The following KIR2DL1 variants were observed in gnomAD, a reference collection of about 807,000 sequenced individuals.
KIR2DL1 encodes killer cell immunoglobulin-like receptor 2DL1.
A neutral mutation model predicts 33.9 loss-of-function variants in KIR2DL1; 38 were observed. That is an observed-to-expected ratio of 1.12 (90% confidence interval 0.86 to 1.47). The LOEUF (loss-of-function observed/expected upper bound fraction) is 1.47. Among genes scored for constraint, KIR2DL1 ranks in the 40% most tolerant of loss-of-function variants. The pLI is 0.00. For synonymous variants in KIR2DL1, 179 were observed against 165.9 expected (o/e 1.08, Z -0.61); for missense variants, 531 against 433.9 (o/e 1.22, Z -1.99).
At chr19:54,777,954 C>T (rs1252733036) in intron 4 of KIR2DL1, among the ~76,000 whole-genome samples, 4 of 148,376 alleles carry the variant, frequency 2.7e-5, no homozygotes, top group African/African-American at 4.9e-5. Context: ...GAGTTCTTGG[C>T]ATCTTTGTCA....
At chr19:54,776,372 T>A (rs681436) in intron 4 of KIR2DL1, among the ~76,000 whole-genome samples, 3 of 141,254 alleles carry the variant, frequency 2.1e-5, no homozygotes, top group Admixed American at 1.5e-4. Context: ...GGGAATCTTT[T>A]TAATGACCTC....
At chr19:54,777,062 C>T (rs1600789580) in intron 4 of KIR2DL1, among the ~76,000 whole-genome samples, 1 of 151,942 alleles carries the variant, frequency 6.6e-6, no homozygotes, top group Non-Finnish European at 1.5e-5. Context: ...ATTTCTTTTG[C>T]CTGTCTTGCA....
chr19:54,775,056 G>T (rs2076160307), intron 3 of KIR2DL1, 109 bp from the exon 4 acceptor site: 1 of 1,350,454 alleles, frequency 7.4e-7, no homozygotes, highest in Admixed American at 2.3e-5. Context: ...GTGAGAGAGA[G>T]AGAGAGAGAG....
In KIR2DL1 at chr19:54,783,666, G is replaced by A. The variant is rs754098999; in HGVS notation, c.900G>A (p.Val300=). 6.2e-7 allele frequency: 1 copy of A among 1,613,856 alleles called. No individual in the cohort carries two copies. The highest frequency in any genetic ancestry group is 8.5e-7 in the Non-Finnish European group (1 of 1,179,970). Residue 300 remains valine, a synonymous_variant, in exon 8 of 8, where the codon GTG becomes GTA. Coordinates refer to ENST00000336077, the MANE Select transcript of KIR2DL1 (RefSeq NM_014218.3). ...EDSDEQDPQE[V]TYTQLNHCVF... ...CTGATGAACAAGACCCTCAGGAGGT[G>A]ACATACACACAGTTGAATCACTGCG...
chr19:54,771,040 C>T (rs1331949161), intron 2 of KIR2DL1, among the ~76,000 whole-genome samples, 156 bp downstream of exon 2: 1 of 148,680 alleles, frequency 6.7e-6, no homozygotes, highest in Non-Finnish European at 1.5e-5. Context: ...CCTGGCCTTT[C>T]ATTCCCTTGG....
intron 4 of KIR2DL1, among the ~76,000 whole-genome samples, chr19:54,776,503 G>A (rs1473797267): frequency 1.4e-5 from 2 of 147,138 alleles, no homozygotes; most frequent in Admixed American, 6.9e-5. Context: ...CAGGTAGGTT[G>A]ACTCCTCATC....
At chr19:54,774,282 C>G (rs1290720169) in intron 3 of KIR2DL1, among the ~76,000 whole-genome samples, 3 of 148,032 alleles carry the variant, frequency 2.0e-5, no homozygotes, top group Non-Finnish European at 4.5e-5. Flanking sequence ...CATAAACACA[C>G]AGAGAATGAG....
intron 4 of KIR2DL1, 64 bp from the exon 5 acceptor site, chr19:54,778,548 G>A: frequency 7.0e-7 from 1 of 1,431,030 alleles, no homozygotes; most frequent in South Asian, 1.2e-5. Context: ...CATCCTCAAA[G>A]ATTTCCACTG....
chr19:54,782,790 G>A (rs2077155266), intron 5 of KIR2DL1, 132 bp from the exon 6 acceptor site: 8 of 901,112 alleles, frequency 8.9e-6, no homozygotes, highest in East Asian at 4.8e-5. Flanking sequence ...GAGAAAGCTG[G>A]GTCTCCTGCC....
In KIR2DL1 at chr19:54,783,251, C is replaced by A. The variant is rs542639439; in HGVS notation, c.817+228C>A. ...CCATGTCCCCTGCAGCCACTCACAT[C>A]CAGGAGAAGGTTCCATGACAGGCAG... On this transcript the variant is annotated intron_variant, in intron 6 of 7. Transcript: ENST00000336077. 1.5e-3 allele frequency among the ~76,000 whole-genome samples: 231 copies of A among 151,782 alleles called. 4 individuals carry two copies. Among genetic ancestry groups the A allele is most frequent in the African/African-American group, 5.4e-3 (225 of 41,406 alleles).
At chr19:54,774,099 G>A (rs2076065680) in intron 3 of KIR2DL1, among the ~76,000 whole-genome samples, 1 of 148,768 alleles carries the variant, frequency 6.7e-6, no homozygotes, top group Non-Finnish European at 1.5e-5. Flanking sequence ...TGCCTTCCAT[G>A]TAATGGAGAG....
At chr19:54,771,844 C>T (rs764870603) in intron 2 of KIR2DL1, among the ~76,000 whole-genome samples, 1 of 147,848 alleles carries the variant, frequency 6.8e-6, no homozygotes, top group African/African-American at 2.5e-5. Flanking sequence ...AACCACACTA[C>T]CCCAGTGGGT....
intron 4 of KIR2DL1, among the ~76,000 whole-genome samples, chr19:54,777,702 C>T (rs564417901): frequency 7.5e-5 from 11 of 146,536 alleles, no homozygotes; most frequent in African/African-American, 2.5e-4. Flanking sequence ...ATTTTTGCTT[C>T]GATTACTTGT....
chr19:54,783,638 A>G lies in KIR2DL1; in HGVS notation c.872A>G (p.Asp291Gly), dbSNP rs1296318463. ...SAGNRTANSE[D>G]SDEQDPQEVT... ...CACTCAGCATTTCCCTCTCTCCAGGACTCTGATGAACAAGACCCTCAGGAG... is the reference window on the plus strand; with the variant it reads ...CACTCAGCATTTCCCTCTCTCCAGGGCTCTGATGAACAAGACCCTCAGGAG... The change falls in exon 8 of 8, where the codon GAC becomes GGC. Residue 291 changes from aspartate to glycine, a missense_variant and splice_region_variant. Coordinates refer to ENST00000336077, the MANE Select transcript of KIR2DL1 (RefSeq NM_014218.3). The G allele has an allele frequency of 6.2e-7, 1 of 1,613,870 alleles. No individual in the cohort carries two copies. Among genetic ancestry groups the G allele is most frequent in the Admixed American group, 1.7e-5 (1 of 59,996 alleles).
chr19:54,774,729 T>C (rs1355737080), intron 3 of KIR2DL1, among the ~76,000 whole-genome samples: 2 of 147,858 alleles, frequency 1.4e-5, no homozygotes, highest in African/African-American at 4.9e-5. Flanking sequence ...GATGGATAGA[T>C]AGACAATTGA....
intron 5 of KIR2DL1, among the ~76,000 whole-genome samples, chr19:54,782,222 G>A (rs2077050835): frequency 1.3e-5 from 2 of 148,334 alleles, no homozygotes; most frequent in African/African-American, 5.2e-5. Context: ...ACGTCCTCCA[G>A]GAAGAACAGG....
At chr19:54,776,682 C>A (rs1333337556) in intron 4 of KIR2DL1, among the ~76,000 whole-genome samples, 14 of 144,136 alleles carry the variant, frequency 9.7e-5, no homozygotes, top group Non-Finnish European at 1.8e-4. Context: ...CTCCTTAGCC[C>A]AAGCTGGAGT....
intron 4 of KIR2DL1, 59 bp from the exon 5 acceptor site, chr19:54,778,553 C>T (rs1316774869): frequency 2.1e-6 from 3 of 1,441,938 alleles, no homozygotes; most frequent in Non-Finnish European, 2.9e-6. Flanking sequence ...TCAAAGATTT[C>T]CACTGAGTGG....
At position 54,773,635 on chromosome 19, in the gene KIR2DL1, G is replaced by A. The variant is rs774782376; in HGVS notation, c.370+3G>A. ...CCCTCTGGACATCGTGATCATAGGTGAGAGTGTCCAGACTTTCTTCTCATT... is the reference window on the plus strand; with the variant it reads ...CCCTCTGGACATCGTGATCATAGGTAAGAGTGTCCAGACTTTCTTCTCATT... On this transcript the variant is annotated splice_donor_region_variant and intron_variant, in intron 3 of 7. Coordinates refer to ENST00000336077, the MANE Select transcript of KIR2DL1 (RefSeq NM_014218.3). The A allele has an allele frequency of 1.6e-5, 25 of 1,568,520 alleles. 1 individual carries two copies. In the African/African-American group the frequency reaches 3.0e-4, roughly 19 times the overall value.
Sources: allele counts gnomAD v4.1 joint callset (sites outside exome capture counted in the v4.1 genomes callset), GRCh38; gene constraint gnomAD v4.1.1; transcripts MANE v1.5; gene names NCBI Gene and HGNC (gene_info 2026-07-23, HGNC 2026-07-21).